Variants in SLC26A7 observed in about 807,000 individuals in gnomAD.
The protein encoded by SLC26A7 is anion exchange transporter.
Under a neutral mutation model 82.5 loss-of-function variants are expected in SLC26A7, and 59 were observed. The observed-to-expected ratio is 0.72, with a 90% CI of 0.58 to 0.89. SLC26A7 has a LOEUF of 0.89. SLC26A7 is among the 40% of genes least tolerant of loss of function. The probability of loss-of-function intolerance (pLI) is 0.00; values close to 1 mark genes in which losing one functional copy is unlikely to be tolerated. For synonymous variants in SLC26A7, 271 were observed against 274.3 expected (o/e 0.99, Z 0.12); for missense variants, 820 against 793.0 (o/e 1.03, Z -0.41).
At chr8:91,378,757 A>C (rs1814589137) in intron 15 of SLC26A7, among the ~76,000 whole-genome samples, 1 of 151,886 alleles carries the variant, frequency 6.6e-6, no homozygotes, top group Non-Finnish European at 1.5e-5. Context: ...AAAATTATAC[A>C]GGCAGGTTTC....
chr8:91,302,708 C>T (rs1203006654), intron 4 of SLC26A7, among the ~76,000 whole-genome samples: 2 of 152,004 alleles, frequency 1.3e-5, no homozygotes, highest in African/African-American at 2.4e-5. Flanking sequence ...CCATTGTAAT[C>T]CCACTCCGTT....
chr8:91,311,900 A>C (rs904134024), intron 4 of SLC26A7, among the ~76,000 whole-genome samples: 2 of 152,182 alleles, frequency 1.3e-5, no homozygotes, highest in African/African-American at 4.8e-5. Flanking sequence ...TAGAGTGGCT[A>C]CCTGTGGAGA....
chr8:91,241,909 G>A (rs1810478963), intron 2 of SLC26A7, among the ~76,000 whole-genome samples: 1 of 152,146 alleles, frequency 6.6e-6, no homozygotes, highest in Non-Finnish European at 1.5e-5. Flanking sequence ...GAGATTTAAT[G>A]AGGCTAACAT....
chr8:91,362,209 T>C, intron 11 of SLC26A7, 144 bp from the exon 12 acceptor site: 1 of 555,434 alleles, frequency 1.8e-6, no homozygotes, highest in Non-Finnish European at 3.1e-6. Context: ...TCTGAGCTTC[T>C]GTTTACCACT....
intron 9 of SLC26A7, among the ~76,000 whole-genome samples, chr8:91,350,114 G>T (rs1042914801): frequency 6.6e-6 from 1 of 152,000 alleles, no homozygotes; most frequent in Non-Finnish European, 1.5e-5. Context: ...GTATGCTGAC[G>T]AGTGTTTGTG....
Position 91,395,355 on chromosome 8 carries a change from C to A in SLC26A7, c.*258C>A. ...TAGTTTTAGTGTACTGAAGGGTAAA[C>A]ATGGTTTTATTTTATTTTACCATAT... On this transcript the variant is annotated 3_prime_UTR_variant, in exon 19 of 19. Transcript: ENST00000276609. 1.4e-6 allele frequency: 1 copy of A among 706,806 alleles called. No homozygotes were observed. Among genetic ancestry groups the A allele is most frequent in the Non-Finnish European group, 1.9e-6 (1 of 514,222 alleles). The allele number at this position is 706,806 out of a possible 1,614,324, so 43.8% of individuals were successfully genotyped here. A position where few individuals can be genotyped will look rare whatever the true frequency, so the allele number is the denominator to read the frequency against.
upstream of SLC26A7, among the ~76,000 whole-genome samples, chr8:91,244,683 T>TAA (rs1810520901): frequency 6.6e-6 from 1 of 151,652 alleles, no homozygotes; most frequent in Non-Finnish European, 1.5e-5. Flanking sequence ...TTTTCAATTA[T>TAA]TATTATTATT....
intron 5 of SLC26A7, among the ~76,000 whole-genome samples, chr8:91,321,550 C>T (rs940668724): frequency 4.6e-5 from 7 of 152,152 alleles, no homozygotes; most frequent in African/African-American, 1.7e-4. Context: ...TCCACATATT[C>T]AAAGGGAGCC....
intron 15 of SLC26A7, among the ~76,000 whole-genome samples, chr8:91,379,955 C>T (rs1814624015): frequency 6.6e-6 from 1 of 151,802 alleles, no homozygotes; most frequent in Non-Finnish European, 1.5e-5. Flanking sequence ...GCAAACAACT[C>T]AGTAGAAAAA....
At chr8:91,256,401 G>T (rs759424883) in intron 2 of SLC26A7, among the ~76,000 whole-genome samples, 62 of 152,060 alleles carry the variant, frequency 4.1e-4, no homozygotes, top group Non-Finnish European at 7.8e-4. Context: ...CTAGGCATAA[G>T]GATATGAGTT....
At chr8:91,367,604 G>A (rs1027398535) in intron 14 of SLC26A7, among the ~76,000 whole-genome samples, 2 of 152,174 alleles carry the variant, frequency 1.3e-5, no homozygotes, top group African/African-American at 2.4e-5. Context: ...CTTACTAGCT[G>A]TGGAACTTTG....
intron 11 of SLC26A7, among the ~76,000 whole-genome samples, chr8:91,356,846 A>G (rs1813883365): frequency 6.6e-6 from 1 of 151,772 alleles, no homozygotes; most frequent in Non-Finnish European, 1.5e-5. Flanking sequence ...TTGATGATTT[A>G]TTTAGAATTG....
intron 9 of SLC26A7, among the ~76,000 whole-genome samples, chr8:91,350,382 G>A (rs1447635020): frequency 2.0e-5 from 3 of 151,168 alleles, no homozygotes; most frequent in African/African-American, 7.3e-5. Context: ...GGTTTATGGA[G>A]GTATAATTTA....
chr8:91,254,943 C>G (rs1165095637), intron 2 of SLC26A7, among the ~76,000 whole-genome samples: 1 of 152,084 alleles, frequency 6.6e-6, no homozygotes, highest in Non-Finnish European at 1.5e-5. Context: ...TGACTTAAAA[C>G]ATGTCACCAA....
intron 2 of SLC26A7, among the ~76,000 whole-genome samples, chr8:91,253,174 C>T (rs774200772): frequency 6.6e-6 from 1 of 151,988 alleles, no homozygotes; most frequent in Non-Finnish European, 1.5e-5. Context: ...AAACAACTTG[C>T]CTAAAGTCAC....
chr8:91,395,272 T>C lies in SLC26A7; in HGVS notation c.*175T>C. The C allele has an allele frequency of 2.9e-6, 4 of 1,392,698 alleles. No individual in the cohort carries two copies. The highest frequency in any genetic ancestry group is 3.7e-6 in the Non-Finnish European group (4 of 1,072,812). 86.3% of individuals were successfully genotyped at this position (1,392,698 alleles called of 1,614,324 possible). A position where few individuals can be genotyped will look rare whatever the true frequency, so the allele number is the denominator to read the frequency against. On this transcript the variant is annotated 3_prime_UTR_variant, in exon 19 of 19. Transcript: ENST00000276609. Reference sequence around the variant, plus strand: ...GGAAAGAACTGCCAACTTTTTTTTCTCATTTTTGTTAGTAAGAAGATTCGC... The same window carrying C: ...GGAAAGAACTGCCAACTTTTTTTTCCCATTTTTGTTAGTAAGAAGATTCGC...
chr8:91,393,271 CCAAA>C (rs1219823909), intron 16 of SLC26A7, among the ~76,000 whole-genome samples: 6 of 151,898 alleles, frequency 4.0e-5, no homozygotes, highest in Non-Finnish European at 7.4e-5. Flanking sequence ...TTAAAAGAGG[CCAAA>C]CAAATGAATT....
rs1814897429 is a variant in SLC26A7, at chr8:91,389,554, A to G, written c.1776+116A>G. 1.1e-5 allele frequency: 8 copies of G among 754,994 alleles called. No individual in the cohort carries two copies. The Admixed American group carries it at 1.7e-4, about 16-fold the overall frequency. 46.8% of individuals were successfully genotyped at this position (754,994 alleles called of 1,614,324 possible). On this transcript the variant is annotated intron_variant, in intron 16 of 18. Coordinates refer to ENST00000276609, the MANE Select transcript of SLC26A7 (RefSeq NM_052832.4). ...CTTGTTGCAATACTCATCTCACCCC[A>G]TTATTTACAAAGGACGTAGAACTTT...
At chr8:91,351,758 TA>T in intron 9 of SLC26A7, 51 bp from the exon 10 acceptor site, 1 of 1,271,026 alleles carries the variant, frequency 7.9e-7, no homozygotes, top group Non-Finnish European at 1.1e-6. Flanking sequence ...TTTGACATAA[TA>T]AAAAAGTTCA....
Sources: gnomAD v4.1 joint callset for allele counts (sites outside exome capture counted in the v4.1 genomes callset) on GRCh38, gnomAD v4.1.1 for gene constraint, MANE v1.5 for transcripts, NCBI Gene and HGNC (gene_info 2026-07-23, HGNC 2026-07-21) for gene names.